The following WDR89 variants were observed in gnomAD, a reference collection of about 807,000 sequenced individuals.
WDR89 encodes the protein WD repeat domain 89, also known as WD repeat-containing protein 89.
A neutral mutation model predicts 29.1 loss-of-function variants in WDR89; 17 were observed. The observed-to-expected ratio is 0.58, with a 90% CI of 0.40 to 0.88. The LOEUF is 0.88. Ranked by LOEUF, WDR89 falls within the 40% of genes least tolerant of loss-of-function variation. The pLI, the probability that WDR89 is intolerant of heterozygous loss-of-function variation, is 0.00. For missense variants in WDR89, 396 were observed against 456.3 expected (o/e 0.87, Z 1.20); for synonymous variants, 138 against 157.8 (o/e 0.87, Z 0.94).
intron 1 of WDR89, among the ~76,000 whole-genome samples, chr14:63,632,906 T>C (rs1883501276): frequency 6.6e-6 from 1 of 152,178 alleles, no homozygotes; most frequent in African/African-American, 2.4e-5. Flanking sequence ...GTCCTTTTAT[T>C]ACAGTGTTTT....
At chr14:63,608,386 AT>A (rs1253110752) in intron 2 of WDR89, among the ~76,000 whole-genome samples, 6 of 152,284 alleles carry the variant, frequency 3.9e-5, no homozygotes, top group Non-Finnish European at 5.9e-5. Flanking sequence ...CTCAAAAAAA[AT>A]AAATAAATCA....
chr14:63,626,496 G>A (rs1403338837), intron 1 of WDR89, among the ~76,000 whole-genome samples: 1 of 148,978 alleles, frequency 6.7e-6, no homozygotes, highest in Non-Finnish European at 1.5e-5. Context: ...GGCCAACATG[G>A]CAAAATCCCA....
At chr14:63,605,816 G>A (rs1404549930) in intron 2 of WDR89, among the ~76,000 whole-genome samples, 1 of 152,070 alleles carries the variant, frequency 6.6e-6, no homozygotes, top group African/African-American at 2.4e-5. Context: ...TTGAAAGGAA[G>A]TTAACTGTGA....
intron 2 of WDR89, among the ~76,000 whole-genome samples, chr14:63,614,311 C>CTTTTTTTTT (rs113657972): frequency 7.0e-6 from 1 of 141,918 alleles, no homozygotes; most frequent in African/African-American, 2.6e-5. Flanking sequence ...TTCTTTTTTT[C>CTTTTTTTTT]TTTTTTTTTT....
rs137969614 is a variant in WDR89 at position 63,628,170 on chromosome 14, C to T, written c.-137-3137G>A. 1.6e-3 allele frequency among the ~76,000 whole-genome samples: 242 copies of T among 152,104 alleles called. 1 individual carries two copies. Among genetic ancestry groups the T allele is most frequent in the African/African-American group, 5.6e-3 (233 of 41,500 alleles). On this transcript the variant is annotated intron_variant, in intron 1 of 2. Transcript: ENST00000620954. The stretch of plus-strand genomic sequence containing the variant: ...GGAGGATTGCTTAAGCCTGGGAGGT[C>T]GAGGCTATGCGATCAATCAGGTGAA...
At chr14:63,618,079 C>G (rs776853075) in intron 2 of WDR89, 2 of 151,996 alleles carry the variant, frequency 1.3e-5, no homozygotes, top group African/African-American at 2.4e-5. Context: ...AAAATTGGTA[C>G]GATACAGATT....
At chr14:63,630,737 T>A (rs887405562) in intron 1 of WDR89, 9 of 151,784 alleles carry the variant, frequency 5.9e-5, no homozygotes, top group African/African-American at 2.2e-4. Flanking sequence ...AGCATGGCCC[T>A]TGCACACGGA....
At chr14:63,605,132 G>C (rs1361190617) in intron 2 of WDR89, among the ~76,000 whole-genome samples, 1 of 151,808 alleles carries the variant, frequency 6.6e-6, no homozygotes, top group African/African-American at 2.4e-5. Context: ...CTCGGCGACA[G>C]AGCAAGACAC....
chr14:63,628,903 T>A (rs1423079499), intron 1 of WDR89, among the ~76,000 whole-genome samples: 1 of 151,242 alleles, frequency 6.6e-6, no homozygotes, highest in Non-Finnish European at 1.5e-5. Context: ...GCACCTATAC[T>A]CCAGCAGCCT....
chr14:63,624,446 TCA>T (rs1439971851), intron 2 of WDR89, among the ~76,000 whole-genome samples: 2 of 142,074 alleles, frequency 1.4e-5, no homozygotes, highest in Non-Finnish European at 3.0e-5. Flanking sequence ...TCAGCCTGGG[TCA>T]CAGAGTGAGA....
Position 63,614,940 on chromosome 14 carries a change from A to G in WDR89, c.-32+9988T>C, listed in dbSNP as rs149678463. Reference sequence around the variant, plus strand: ...GTATTCTTATTCACATAAACGTCCAAGATAGTGGTTGCAGCAACATATGGC... The same window carrying G: ...GTATTCTTATTCACATAAACGTCCAGGATAGTGGTTGCAGCAACATATGGC... On this transcript the variant is annotated intron_variant, in intron 2 of 2. Coordinates refer to ENST00000620954, the MANE Select transcript of WDR89 (RefSeq NM_080666.4). 4.3e-3 allele frequency among the ~76,000 whole-genome samples: 656 copies of G among 152,334 alleles called. 7 individuals are homozygous for G. Among genetic ancestry groups the G allele is most frequent in the African/African-American group, 0.015 (603 of 41,574 alleles).
intron 2 of WDR89, among the ~76,000 whole-genome samples, chr14:63,620,271 C>T (rs1882611781): frequency 6.6e-6 from 1 of 152,048 alleles, no homozygotes; most frequent in South Asian, 2.1e-4. Context: ...AGAACAAAAT[C>T]CTGTCATTTG....
intron 1 of WDR89, among the ~76,000 whole-genome samples, chr14:63,637,993 T>C (rs1361869038): frequency 1.3e-5 from 2 of 152,088 alleles, no homozygotes; most frequent in Non-Finnish European, 2.9e-5. Context: ...TTACCCAGGC[T>C]GGAGTGCAGT....
intron 2 of WDR89, chr14:63,601,773 C>T (rs1287400335): frequency 7.8e-7 from 1 of 1,275,748 alleles, no homozygotes; most frequent in Non-Finnish European, 1.1e-6. Flanking sequence ...GGATTATTTC[C>T]TATTTAGAGA....
At chr14:63,609,999 A>C (rs1188002154) in intron 2 of WDR89, among the ~76,000 whole-genome samples, 1 of 151,940 alleles carries the variant, frequency 6.6e-6, no homozygotes, top group Non-Finnish European at 1.5e-5. Context: ...TTAAAAGGAA[A>C]AACAAAAAGA....
chr14:63,641,448 A>G (rs1346744491), intron 1 of WDR89: 1 of 152,218 alleles, frequency 6.6e-6, no homozygotes, highest in East Asian at 1.9e-4. Flanking sequence ...TGGTGGGGAG[A>G]GTATCCGTGG....
chr14:63,632,520 C>G (rs1188714587), intron 1 of WDR89, among the ~76,000 whole-genome samples: 1 of 152,050 alleles, frequency 6.6e-6, no homozygotes, highest in African/African-American at 2.4e-5. Context: ...GTAGTCTCAG[C>G]TACTAGGGAG....
chr14:63,610,323 T>C (rs567028319), intron 2 of WDR89, among the ~76,000 whole-genome samples: 50 of 146,144 alleles, frequency 3.4e-4, no homozygotes, highest in African/African-American at 1.3e-3. Context: ...AATAAATAAA[T>C]GAGGGAGAAG....
chr14:63,638,275 C>G (rs961961473), intron 1 of WDR89, among the ~76,000 whole-genome samples: 8 of 152,060 alleles, frequency 5.3e-5, no homozygotes, highest in African/African-American at 1.9e-4. Context: ...AAGTCACTGC[C>G]CCCCCAAAAA....
Sources: gnomAD v4.1 joint callset for allele counts (sites outside exome capture counted in the v4.1 genomes callset) on GRCh38, gnomAD v4.1.1 for gene constraint, MANE v1.5 for transcripts, NCBI Gene and HGNC (gene_info 2026-07-23, HGNC 2026-07-21) for gene names.